DOK6: variants seen among roughly 807,000 people sequenced by gnomAD.
The protein encoded by DOK6 is docking protein 6, also known as downstream of tyrosine kinase 6.
DOK6 carries 22 observed loss-of-function variants against 44.0 expected under a neutral mutation model. That is an observed-to-expected ratio of 0.50 (90% CI 0.36 to 0.71). The LOEUF (loss-of-function observed/expected upper bound fraction) is 0.71. DOK6 is among the 30% of genes least tolerant of loss of function. The pLI, the probability that DOK6 is intolerant of heterozygous loss-of-function variation, is 0.00. For synonymous variants in DOK6, 166 were observed against 145.5 expected (o/e 1.14, Z -1.01); for missense variants, 340 against 416.4 (o/e 0.82, Z 1.60).
At chr18:69,404,131 T>C (rs1445104293) in intron 1 of DOK6, among the ~76,000 whole-genome samples, 4 of 152,220 alleles carry the variant, frequency 2.6e-5, no homozygotes, top group East Asian at 3.8e-4. Flanking sequence ...GAGATAATTA[T>C]TGACATGAAA....
intron 5 of DOK6, among the ~76,000 whole-genome samples, chr18:69,721,602 A>G (rs1978288780): frequency 6.6e-6 from 1 of 152,234 alleles, no homozygotes; most frequent in South Asian, 2.1e-4. Context: ...TGCAATAAGC[A>G]TTTTCCTCTC....
intron 3 of DOK6, 108 bp from the exon 4 acceptor site, chr18:69,677,626 C>G (rs2144685761): frequency 6.4e-7 from 1 of 1,555,164 alleles, no homozygotes; most frequent in East Asian, 2.3e-5. Flanking sequence ...TTTTTAAAGG[C>G]AGGTTCTTAA....
chr18:69,674,206 G>A (rs1568329902), intron 3 of DOK6, among the ~76,000 whole-genome samples: 1 of 152,168 alleles, frequency 6.6e-6, no homozygotes. Context: ...TTGAAAGGTG[G>A]TGACTGTCAA....
At chr18:69,622,373 T>C (rs1312558051) in intron 3 of DOK6, among the ~76,000 whole-genome samples, 1 of 152,232 alleles carries the variant, frequency 6.6e-6, no homozygotes, top group Non-Finnish European at 1.5e-5. Context: ...TTCGTTTGTT[T>C]TGATAACTAT....
At chr18:69,419,668 G>A (rs1433616281) in intron 1 of DOK6, among the ~76,000 whole-genome samples, 1 of 151,934 alleles carries the variant, frequency 6.6e-6, no homozygotes, top group African/African-American at 2.4e-5. Flanking sequence ...TGTTAATTAA[G>A]GATATATGCT....
intron 2 of DOK6, among the ~76,000 whole-genome samples, chr18:69,587,029 T>C (rs1309549476): frequency 6.6e-6 from 1 of 152,112 alleles, no homozygotes; most frequent in African/African-American, 2.4e-5. Flanking sequence ...ACTGGAGAAA[T>C]GGGGCTATAT....
rs1317921233 is a variant in DOK6 at position 69,724,943 on chromosome 18, T to G, written c.600-14022T>G. 5 of 152,350 alleles carry G rather than the reference T, an allele frequency of 3.3e-5. No individual in the cohort carries two copies. In the East Asian group the frequency reaches 7.7e-4, roughly 23 times the overall value. The allele number at this position is 152,350 out of a possible 1,614,324, so 9.4% of individuals were successfully genotyped here. On this transcript the variant is annotated intron_variant, in intron 5 of 7. Transcript: ENST00000382713. ...TGTTGCTATAAAGCCCAGTGGCTTG[T>G]AAAACCAACATTGTAATGGCTCTTA...
chr18:69,438,193 A>T lies in DOK6; in HGVS notation c.66+36883A>T, dbSNP rs1048643712. Among the ~76,000 whole-genome samples, 4 of 152,142 alleles carry T rather than the reference A, an allele frequency of 2.6e-5. No individual in the cohort carries two copies. In the East Asian group the frequency reaches 7.7e-4, roughly 29 times the overall value. ...AGATTTCTCTGTAGCAAGTGATGCT[A>T]TTTGATAGCATTTTATCCATAGTAG... On this transcript the variant is annotated intron_variant, in intron 1 of 7. Transcript: ENST00000382713.
At chr18:69,486,770 AC>A (rs1568273484) in intron 1 of DOK6, among the ~76,000 whole-genome samples, 2 of 152,136 alleles carry the variant, frequency 1.3e-5, no homozygotes, top group Admixed American at 6.5e-5. Context: ...TAAATCTTAA[AC>A]CTACCACAGC....
chr18:69,731,394 G>A (rs7238870), intron 5 of DOK6, among the ~76,000 whole-genome samples: 48,351 of 152,006 alleles, frequency 0.32, 7,789 homozygotes, highest in Middle Eastern at 0.48. Flanking sequence ...GTGCCTGACA[G>A]GTAGACAAGT....
chr18:69,538,757 CCT>C (rs1331414966), intron 1 of DOK6, among the ~76,000 whole-genome samples: 1 of 152,164 alleles, frequency 6.6e-6, no homozygotes, highest in African/African-American at 2.4e-5. Context: ...ACTCTGGTCA[CCT>C]CTCTGATTGT....
chr18:69,484,150 T>TA (rs968074821), intron 1 of DOK6, among the ~76,000 whole-genome samples: 5 of 151,690 alleles, frequency 3.3e-5, no homozygotes, highest in East Asian at 1.9e-4. Flanking sequence ...AGCCTTTCCA[T>TA]AAAAAAAATA....
intron 3 of DOK6, among the ~76,000 whole-genome samples, chr18:69,613,100 G>A (rs899224853): frequency 2.6e-5 from 4 of 152,010 alleles, no homozygotes; most frequent in Admixed American, 2.6e-4. Flanking sequence ...CGAACTCCTG[G>A]GCTCAAGCCA....
chr18:69,495,029 C>A (rs945138691), intron 1 of DOK6, among the ~76,000 whole-genome samples: 5 of 152,328 alleles, frequency 3.3e-5, no homozygotes, highest in African/African-American at 9.6e-5. Context: ...TTGGGTCCAG[C>A]AACTGCACAG....
At chr18:69,462,922 T>C (rs1186692406) in intron 1 of DOK6, among the ~76,000 whole-genome samples, 1 of 152,210 alleles carries the variant, frequency 6.6e-6, no homozygotes, top group Non-Finnish European at 1.5e-5. Flanking sequence ...TTCATTACCC[T>C]TCATCAGATC....
intron 1 of DOK6, among the ~76,000 whole-genome samples, chr18:69,411,962 A>G (rs1978308162): frequency 2.6e-5 from 4 of 152,180 alleles, no homozygotes; most frequent in African/African-American, 4.8e-5. Flanking sequence ...TTCAACTGCA[A>G]ATAACCTACT....
chr18:69,841,248 T>C lies in DOK6; in HGVS notation c.861T>C (p.His287=). 1 of 1,614,234 alleles carries C rather than the reference T, an allele frequency of 6.2e-7. No individual in the cohort carries two copies. The highest frequency in any genetic ancestry group is 8.5e-7 in the Non-Finnish European group (1 of 1,180,034). ...SVGEIYSLQG[H]GFGSSKMSRA... ...CTCTCCTTTCTTCCTCTCTAGGTCATGGGTTTGGTTCGTCAAAGATGTCTC... is the reference window on the plus strand; with the variant it reads ...CTCTCCTTTCTTCCTCTCTAGGTCACGGGTTTGGTTCGTCAAAGATGTCTC... The change falls in exon 8 of 8, where the codon CAT becomes CAC. Residue 287 remains histidine, a synonymous_variant. Coordinates refer to ENST00000382713, the MANE Select transcript of DOK6 (RefSeq NM_152721.6).
At chr18:69,653,630 CA>C (rs528121288) in intron 3 of DOK6, among the ~76,000 whole-genome samples, 1 of 152,140 alleles carries the variant, frequency 6.6e-6, no homozygotes, top group Non-Finnish European at 1.5e-5. Flanking sequence ...GAAATGAAGA[CA>C]AACTGAACAA....
chr18:69,404,731 G>T (rs138541530), intron 1 of DOK6, among the ~76,000 whole-genome samples: 1 of 151,996 alleles, frequency 6.6e-6, no homozygotes, highest in Non-Finnish European at 1.5e-5. Context: ...TCAAACTCAG[G>T]TGAGAGATTG....
Sources: allele counts gnomAD v4.1 joint callset (sites outside exome capture counted in the v4.1 genomes callset), GRCh38; gene constraint gnomAD v4.1.1; transcripts MANE v1.5; gene names NCBI Gene and HGNC (gene_info 2026-07-23, HGNC 2026-07-21).